Variants in PCNX3 observed in about 807,000 individuals in gnomAD.
The protein encoded by PCNX3 is pecanex-like protein 3.
In PCNX3, 58 loss-of-function variants were observed where a neutral mutation model predicts 207.2. That is an observed-to-expected ratio of 0.28 (90% CI 0.23 to 0.35). PCNX3 has a LOEUF of 0.35. Among genes scored for constraint, PCNX3 ranks in the 10% least tolerant of loss-of-function variants. PCNX3 has a pLI of 1.00. For missense variants in PCNX3, 2,410 were observed against 2,774.4 expected (o/e 0.87, Z 2.95); for synonymous variants, 1,337 against 1,183.5 (o/e 1.13, Z -2.66).
rs573353023 is a variant in PCNX3 at position 65,627,020 on chromosome 11, G to A, written c.3496G>A (p.Val1166Ile). ...NALTVDAHTV[V>I]SHPDKYCFYC... is the part of the protein sequence containing the mutation. The stretch of plus-strand genomic sequence containing the variant: ...CCTCACGGTGGACGCCCACACAGTC[G>A]TCAGCCACCCGGACAAGTACTGCTT... The change falls in exon 21 of 35, where the codon GTC becomes ATC. Residue 1166 changes from valine to isoleucine, a missense_variant. Transcript: ENST00000355703. 1.2e-5 allele frequency: 19 copies of A among 1,532,602 alleles called. No individual in the cohort carries two copies. Among genetic ancestry groups the A allele is most frequent in the African/African-American group, 7.0e-5 (5 of 71,942 alleles). The allele number at this position is 1,532,602 out of a possible 1,614,324, so 94.9% of individuals were successfully genotyped here. A position where few individuals can be genotyped will look rare whatever the true frequency, so the allele number is the denominator to read the frequency against.
chr11:65,621,361 A>C (rs1205365237), intron 10 of PCNX3, among the ~76,000 whole-genome samples: 1 of 152,136 alleles, frequency 6.6e-6, no homozygotes, highest in Non-Finnish European at 1.5e-5. Context: ...CTCTGTTAAC[A>C]CTTCCTGTCT....
rs761508492 is a variant in PCNX3 at position 65,635,735 on chromosome 11, A to G, written c.5391A>G (p.Leu1797=). Residue 1797 remains leucine, a synonymous_variant, in exon 32 of 35, where the codon CTA becomes CTG. Transcript: ENST00000355703. This position sits in a 1 kb window ranked among gnomAD's most constrained non-coding sequence, Gnocchi z 9.9. The stretch of plus-strand genomic sequence containing the variant: ...CGCTGGCTGGCAGCCACCCCCAGCT[A>G]CGGGCACTGTGGGGTGGCCCCATCA... ...TTSLAGSHPQ[L]RALWGGPISL... is the part of the protein sequence containing the mutation. The G allele has an allele frequency of 6.2e-7, 1 of 1,605,136 alleles. No homozygotes were observed. The highest frequency in any genetic ancestry group is 8.5e-7 in the Non-Finnish European group (1 of 1,176,456).
Position 65,636,975 on chromosome 11 carries a change from C to G in PCNX3, c.6102C>G (p.Tyr2034Ter). ...CCCAGCCCCTGCTGGAACACCAGTA[C>G]TGAGCTACCTGGCGCCCACTGGACC... ...PAAQPLLEHQ[Y>*] Residue 2034 changes from tyrosine (Y) to a stop codon, truncating the protein, a stop_gained, in exon 35 of 35, where the codon TAC becomes TAG. Transcript: ENST00000355703. LOFTEE classifies it high-confidence loss of function. 6.4e-7 allele frequency: 1 copy of G among 1,566,946 alleles called. No homozygotes were observed. The highest frequency in any genetic ancestry group is 8.6e-7 in the Non-Finnish European group (1 of 1,158,398).
chr11:65,631,688 T>C (rs1343942178), intron 27 of PCNX3, among the ~76,000 whole-genome samples: 1 of 150,090 alleles, frequency 6.7e-6, no homozygotes, highest in Non-Finnish European at 1.5e-5. Context: ...AGGCTTGTGG[T>C]GCTCAGAATA....
intron 27 of PCNX3, 33 bp from the exon 28 acceptor site, chr11:65,634,093 A>AC (rs1270812476): frequency 1.3e-6 from 2 of 1,576,384 alleles, no homozygotes; most frequent in African/African-American, 2.7e-5. Context: ...CAGGGCCGGG[A>AC]CCCCGGCCTG....
rs370983977 is a variant in PCNX3, at chr11:65,625,469, G to C, written c.3094G>C (p.Glu1032Gln). Residue 1032 changes from glutamate to glutamine, a missense_variant, in exon 18 of 35, where the codon GAG becomes CAG. Physicochemically the swap from Glu to Gln is conservative, Grantham distance 29. This residue lies in a region of PCNX3 where 333 missense variants were observed against 386.8 expected (regional missense o/e 0.86). Transcript: ENST00000355703. This position sits in a 1 kb window ranked among gnomAD's most constrained non-coding sequence, Gnocchi z 5.6. ...GCGCAGCTTGGAGACAGCCCGGGCC[G>C]AGCCCCCGGACCCCTTGCCGGACAA... ...EERSLETARA[E>Q]PPDPLPDKMR... 11 of 1,601,542 alleles carry C rather than the reference G, an allele frequency of 6.9e-6. No individual in the cohort carries two copies. The highest frequency in any genetic ancestry group is 7.6e-6 in the Non-Finnish European group (9 of 1,177,360).
Position 65,618,986 on chromosome 11 carries a change from C to T in PCNX3, c.1624C>T (p.Pro542Ser). 1 of 1,600,918 alleles carries T rather than the reference C, an allele frequency of 6.2e-7. No homozygotes were observed. Among genetic ancestry groups the T allele is most frequent in the Non-Finnish European group, 8.5e-7 (1 of 1,178,064 alleles). ...EQAASEPVVL[P>S]AEARRGPAAN... ...GGCTGCTAGTGAGCCTGTTGTGCTG[C>T]CTGCTGAGGCGCGAAGGGGACCCGC... The change falls in exon 6 of 35, where the codon CCT becomes TCT. Residue 542 changes from proline to serine, a missense_variant. Around this residue, in one of 8 missense-constraint regions of PCNX3, gnomAD observed 1,104 missense variants for 970.3 expected, o/e 1.14. Transcript: ENST00000355703.
intron 22 of PCNX3, among the ~76,000 whole-genome samples, chr11:65,627,806 G>A (rs1457909787): frequency 1.3e-5 from 2 of 152,134 alleles, no homozygotes; most frequent in Non-Finnish European, 2.9e-5. Flanking sequence ...CAGAGAATTG[G>A]TGGTCAGCCA....
chr11:65,626,556 T>C, intron 20 of PCNX3: 1 of 431,896 alleles, frequency 2.3e-6, no homozygotes, highest in Non-Finnish European at 4.3e-6. Context: ...ACAACCAGCC[T>C]GAACCGAGGG....
intron 27 of PCNX3, among the ~76,000 whole-genome samples, chr11:65,631,979 C>T (rs553257588): frequency 1.3e-5 from 2 of 152,344 alleles, no homozygotes; most frequent in South Asian, 2.1e-4. Flanking sequence ...ACCCCCCTTT[C>T]ATCAAGAAGG....
Position 65,619,171 on chromosome 11 carries a change from C to T in PCNX3, c.1705+104C>T, listed in dbSNP as rs79467943. The T allele has an allele frequency of 3.3e-3, 3,212 of 970,550 alleles. 67 individuals carry two copies. In the African/African-American group the frequency reaches 0.043, roughly 13 times the overall value. The allele number at this position is 970,550 out of a possible 1,614,324, so 60.1% of individuals were successfully genotyped here. ...GACCTGGTCAGTGTCAGCTCAGCCTCGGTTGTAGGCAGCAGATGGACGTGG... is the reference window on the plus strand; with the variant it reads ...GACCTGGTCAGTGTCAGCTCAGCCTTGGTTGTAGGCAGCAGATGGACGTGG... On this transcript the variant is annotated intron_variant, in intron 6 of 34. Coordinates refer to ENST00000355703, the MANE Select transcript of PCNX3 (RefSeq NM_032223.4).
Position 65,631,631 on chromosome 11 carries a change from C to A in PCNX3, c.4470+1027C>A, listed in dbSNP as rs192583117. On this transcript the variant is annotated intron_variant, in intron 27 of 34. Transcript: ENST00000355703. ...CCGAGATCGTGCTACTGCACTCCAG[C>A]CTGGGCAACAGAGCAAGACTGTCTC... 1.9e-4 allele frequency among the ~76,000 whole-genome samples: 29 copies of A among 152,208 alleles called. No homozygotes were observed. The East Asian group carries it at 4.2e-3, about 22-fold the overall frequency.
rs1241973128 is a variant in PCNX3 at position 65,636,244 on chromosome 11, G to A, written c.5530G>A (p.Gly1844Ser). ...NVDDSDCSGG[G>S]GLTSLSNNPP... ...GGATGATTCAGACTGTAGTGGGGGC[G>A]GTGGCCTGACCTCCCTCAGCAATAA... The change falls in exon 33 of 35, where the codon GGT becomes AGT. Residue 1844 changes from glycine to serine, a missense_variant. By Grantham distance (56) the Gly-to-Ser change is moderately conservative. This residue lies in a region of PCNX3 where 59 missense variants were observed against 83.9 expected (regional missense o/e 0.70). Coordinates refer to ENST00000355703, the MANE Select transcript of PCNX3 (RefSeq NM_032223.4). 5 of 1,586,608 alleles carry A rather than the reference G, an allele frequency of 3.2e-6. No homozygotes were observed. The highest frequency in any genetic ancestry group is 2.7e-5 in the African/African-American group (2 of 74,236).
At position 65,623,809 on chromosome 11, in the gene PCNX3, A is replaced by G. The variant is rs1855236060; in HGVS notation, c.2512-120A>G. ...AAGCAAGAAAACTGAGGCTCAGGAC[A>G]GTTCGGGGGCCTGACCTGGTCACTC... On this transcript the variant is annotated intron_variant, in intron 12 of 34. Coordinates refer to ENST00000355703, the MANE Select transcript of PCNX3 (RefSeq NM_032223.4). 6 of 1,540,756 alleles carry G rather than the reference A, an allele frequency of 3.9e-6. No individual in the cohort carries two copies. The South Asian group carries it at 6.8e-5, about 18-fold the overall frequency.
chr11:65,622,963 A>G (rs1460197214), intron 11 of PCNX3, among the ~76,000 whole-genome samples: 2 of 151,564 alleles, frequency 1.3e-5, no homozygotes, highest in African/African-American at 2.4e-5. Flanking sequence ...TGTAACCTAG[A>G]AAAGCTCACA....
At chr11:65,627,290 C>G in intron 21 of PCNX3, 115 bp from the exon 22 acceptor site, 5 of 1,249,562 alleles carry the variant, frequency 4.0e-6, no homozygotes, top group Non-Finnish European at 5.4e-6. Flanking sequence ...AGGGACCAGC[C>G]CAGCAGAGCA....
rs61741594 is a variant in PCNX3 at position 65,618,209 on chromosome 11, G to A, written c.847G>A (p.Asp283Asn). ...GGGGGCAGGTGGCTATCAGCCCCTT[G>A]ACCGGCGGGGCTCAGGGGAGCCCAC... Reference protein sequence around the residue: ...RRGAGGYQPLDRRGSGEPTPQ... With the variant: ...RRGAGGYQPLNRRGSGEPTPQ... Residue 283 changes from aspartate (D) to asparagine (N), a missense_variant, in exon 6 of 35, where the codon GAC becomes AAC. By Grantham distance (23) the Asp-to-Asn change is conservative. This residue lies in a region of PCNX3 where 1,104 missense variants were observed against 970.3 expected (regional missense o/e 1.14). Transcript: ENST00000355703. 1.6e-3 allele frequency: 2,580 copies of A among 1,602,824 alleles called. 37 individuals are homozygous for A. In the African/African-American group the frequency reaches 0.031, roughly 19 times the overall value.
intron 6 of PCNX3, 65 bp from the exon 7 acceptor site, chr11:65,619,472 A>T (rs1298082825): frequency 6.3e-7 from 1 of 1,579,200 alleles, no homozygotes; most frequent in African/African-American, 1.3e-5. Flanking sequence ...CACCGTCCCC[A>T]ACCTTACTCC....
intron 27 of PCNX3, among the ~76,000 whole-genome samples, chr11:65,632,959 G>A (rs1855675295): frequency 6.6e-6 from 1 of 151,876 alleles, no homozygotes; most frequent in Non-Finnish European, 1.5e-5. Flanking sequence ...TGTCCAGGCT[G>A]GTCTTGAACT....
Sources: gnomAD v4.1 joint callset for allele counts (sites outside exome capture counted in the v4.1 genomes callset) on GRCh38, gnomAD v4.1.1 for gene constraint, gnomAD v4.1.1 regional missense constraint, Gnocchi (gnomAD v3.1) non-coding constraint, MANE v1.5 for transcripts, NCBI Gene and HGNC (gene_info 2026-07-23, HGNC 2026-07-21) for gene names.